HCRTR2: variants seen among roughly 807,000 people sequenced by gnomAD.
HCRTR2 encodes the protein hypocretin receptor 2.
HCRTR2 carries 22 observed loss-of-function variants against 49.0 expected under a neutral mutation model. The ratio of observed to expected loss-of-function variants is 0.45; its 90% CI spans 0.32 to 0.64. The LOEUF (loss-of-function observed/expected upper bound fraction) is 0.64. HCRTR2 is among the 30% of genes least tolerant of loss of function. The pLI is 0.04. For synonymous variants in HCRTR2, 236 were observed against 205.3 expected (o/e 1.15, Z -1.28); for missense variants, 491 against 559.4 (o/e 0.88, Z 1.23).
chr6:55,193,874 C>T (rs1050571543), intron 1 of HCRTR2, among the ~76,000 whole-genome samples: 10 of 151,934 alleles, frequency 6.6e-5, no homozygotes, highest in East Asian at 5.8e-4. Flanking sequence ...TTTCCTCTTC[C>T]GCTCCTCCCT....
chr6:55,152,274 AC>A (rs1364935734), intron 1 of HCRTR2, among the ~76,000 whole-genome samples: 1 of 151,840 alleles, frequency 6.6e-6, no homozygotes, highest in African/African-American at 2.4e-5. Flanking sequence ...CCATCCTAAC[AC>A]ATGTGACGTA....
chr6:55,132,549 G>T (rs4639325), intron 1 of HCRTR2, among the ~76,000 whole-genome samples: 42,578 of 151,720 alleles, frequency 0.28, 6,707 homozygotes, highest in Non-Finnish European at 0.36. Context: ...GATGGAATGT[G>T]GTGCATTAAA....
chr6:55,140,218 T>C (rs1171684291), intron 1 of HCRTR2, among the ~76,000 whole-genome samples: 1 of 152,194 alleles, frequency 6.6e-6, no homozygotes, highest in Non-Finnish European at 1.5e-5. Flanking sequence ...CTGTCTTTTA[T>C]TTTATTTATT....
In HCRTR2 at chr6:55,276,055, C is replaced by A. The variant is rs148904348; in HGVS notation, c.763-1325C>A. On this transcript the variant is annotated intron_variant, in intron 4 of 6. Coordinates refer to ENST00000370862, the MANE Select transcript of HCRTR2 (RefSeq NM_001384272.1). ...AACATTCCAGCATCCATTGCTCATT[C>A]TTTTCAGTTATTTTTTAAAATTGCT... 2.0e-3 allele frequency among the ~76,000 whole-genome samples: 304 copies of A among 152,234 alleles called. 2 individuals are homozygous for A. Among genetic ancestry groups the A allele is most frequent in the African/African-American group, 7.1e-3 (296 of 41,554 alleles).
chr6:55,253,935 T>C (rs1262991281), intron 2 of HCRTR2, among the ~76,000 whole-genome samples: 1 of 152,086 alleles, frequency 6.6e-6, no homozygotes, highest in East Asian at 1.9e-4. Flanking sequence ...GATACTTGGA[T>C]TAATACCTGG....
intron 1 of HCRTR2, among the ~76,000 whole-genome samples, chr6:55,195,161 G>T (rs1483604683): frequency 3.3e-5 from 5 of 152,006 alleles, no homozygotes; most frequent in African/African-American, 1.2e-4. Flanking sequence ...CAATAAGAGT[G>T]AATGAAGATA....
chr6:55,273,219 A>C (rs1478499020), intron 4 of HCRTR2, among the ~76,000 whole-genome samples: 1 of 152,022 alleles, frequency 6.6e-6, no homozygotes, highest in Non-Finnish European at 1.5e-5. Context: ...GAAAATTTTC[A>C]TGGTCCCTGC....
intron 4 of HCRTR2, 112 bp from the exon 5 acceptor site, chr6:55,277,268 C>T: frequency 1.2e-6 from 1 of 858,460 alleles, no homozygotes; most frequent in Non-Finnish European, 2.0e-6. Flanking sequence ...GCTCAAACCT[C>T]CCACACCTCA....
chr6:55,226,511 G>T (rs1170412298), intron 1 of HCRTR2, among the ~76,000 whole-genome samples: 1 of 151,828 alleles, frequency 6.6e-6, no homozygotes, highest in Non-Finnish European at 1.5e-5. Flanking sequence ...GTTTCACCAT[G>T]TTGGCCAGGG....
chr6:55,261,444 G>A (rs980579974), intron 3 of HCRTR2, among the ~76,000 whole-genome samples: 9 of 151,256 alleles, frequency 6.0e-5, no homozygotes, highest in Admixed American at 2.0e-4. Context: ...TCGCACTGTC[G>A]CCCAGGCTGG....
intron 5 of HCRTR2, 131 bp downstream of exon 5, chr6:55,277,731 G>A (rs981569841): frequency 2.8e-6 from 2 of 724,468 alleles, no homozygotes; most frequent in African/African-American, 3.6e-5. Flanking sequence ...CAGGCCAGAT[G>A]ACTCAGTTAT....
At chr6:55,198,464 C>A (rs747539098) in intron 1 of HCRTR2, among the ~76,000 whole-genome samples, 1 of 152,184 alleles carries the variant, frequency 6.6e-6, no homozygotes, top group African/African-American at 2.4e-5. Flanking sequence ...ACACAAAATC[C>A]TGCACCTAAA....
upstream of HCRTR2, chr6:55,174,369 T>C: frequency 3.5e-6 from 2 of 577,734 alleles, no homozygotes; most frequent in South Asian, 3.9e-5. Flanking sequence ...GCTGCCTATC[T>C]TCCCGGTGCA....
chr6:55,123,728 A>G (rs541848187), intron 1 of HCRTR2, among the ~76,000 whole-genome samples: 1 of 152,330 alleles, frequency 6.6e-6, no homozygotes, highest in Admixed American at 6.5e-5. Context: ...TACCTCTGGT[A>G]GAATTCGGCT....
chr6:55,140,315 G>A (rs1013569230), intron 1 of HCRTR2, among the ~76,000 whole-genome samples: 4 of 151,858 alleles, frequency 2.6e-5, no homozygotes, highest in African/African-American at 7.2e-5. Context: ...TAGACAAGGA[G>A]TTCTAGTCTG....
At chr6:55,246,475 A>G (rs1175234045) in intron 1 of HCRTR2, among the ~76,000 whole-genome samples, 1 of 151,926 alleles carries the variant, frequency 6.6e-6, no homozygotes, top group Non-Finnish European at 1.5e-5. Flanking sequence ...TGAATCAGAG[A>G]TGGTGCAGAG....
At chr6:55,146,192 A>G (rs1764578667) in intron 1 of HCRTR2, among the ~76,000 whole-genome samples, 1 of 152,194 alleles carries the variant, frequency 6.6e-6, no homozygotes, top group Non-Finnish European at 1.5e-5. Context: ...GAGAACAATT[A>G]TAAGATTTAT....
At chr6:55,137,807 A>C (rs1188493576) in intron 1 of HCRTR2, among the ~76,000 whole-genome samples, 1 of 152,226 alleles carries the variant, frequency 6.6e-6, no homozygotes, top group African/African-American at 2.4e-5. Flanking sequence ...TTTTTATGAA[A>C]GCACTCTCTA....
intron 1 of HCRTR2, among the ~76,000 whole-genome samples, chr6:55,198,486 C>T (rs1346920947): frequency 6.6e-6 from 1 of 152,192 alleles, no homozygotes; most frequent in African/African-American, 2.4e-5. Flanking sequence ...TCAACCCTAA[C>T]TTTAAACCTA....
Sources: allele counts gnomAD v4.1 joint callset (sites outside exome capture counted in the v4.1 genomes callset), GRCh38; gene constraint gnomAD v4.1.1; transcripts MANE v1.5; gene names NCBI Gene and HGNC (gene_info 2026-07-23, HGNC 2026-07-21).